The following SYCP3 variants were observed in gnomAD, a reference collection of about 807,000 sequenced individuals.
SYCP3 encodes synaptonemal complex protein 3.
Under a neutral mutation model 38.5 loss-of-function variants are expected in SYCP3, and 29 were observed. That is an observed-to-expected ratio of 0.75 (90% CI 0.56 to 1.03). The LOEUF is 1.03. Among genes scored for constraint, SYCP3 ranks in the 50% least tolerant of loss-of-function variants. SYCP3 has a pLI of 0.00. For missense variants in SYCP3, 242 were observed against 270.7 expected (o/e 0.89, Z 0.74); for synonymous variants, 79 against 80.3 (o/e 0.98, Z 0.08).
chr12:101,739,376 A>G lies in SYCP3; in HGVS notation c.-43T>C, dbSNP rs972482370. On this transcript the variant is annotated 5_prime_UTR_variant, in exon 1 of 9. Transcript: ENST00000392924. Reference sequence around the variant, plus strand: ...CTGAAACACACCGCAATGGCCGAGGACCAGTTACTGGTCGTCGACAGGCGT... The same window carrying G: ...CTGAAACACACCGCAATGGCCGAGGGCCAGTTACTGGTCGTCGACAGGCGT... The G allele has an allele frequency of 4.0e-6, 4 of 1,002,828 alleles. No individual in the cohort carries two copies. The highest frequency in any genetic ancestry group is 4.8e-6 in the Non-Finnish European group (4 of 830,380). 62.1% of individuals were successfully genotyped at this position (1,002,828 alleles called of 1,614,324 possible).
At chr12:101,735,861 A>AT (rs1299572800) in intron 4 of SYCP3, among the ~76,000 whole-genome samples, 1 of 73,192 alleles carries the variant, frequency 1.4e-5, no homozygotes, top group African/African-American at 5.9e-5. Flanking sequence ...TTATATATAT[A>AT]TATATATATA....
At chr12:101,733,761 A>G (rs1023590889) in intron 5 of SYCP3, 87 bp from the exon 6 acceptor site, 1 of 1,240,882 alleles carries the variant, frequency 8.1e-7, no homozygotes, top group Non-Finnish European at 1.1e-6. Context: ...CAGTTATACT[A>G]TATAAGAAAA....
intron 2 of SYCP3, chr12:101,737,541 T>C: frequency 3.1e-6 from 2 of 645,854 alleles, no homozygotes; most frequent in Non-Finnish European, 5.3e-6. Context: ...AGCCACATAC[T>C]ATATATCAGA....
intron 6 of SYCP3, chr12:101,733,296 C>G (rs980461543): frequency 7.7e-6 from 3 of 390,100 alleles, no homozygotes; most frequent in African/African-American, 6.1e-5. Flanking sequence ...ATGCCTGAAG[C>G]TAAACTGCCC....
At chr12:101,738,067 A>G in intron 1 of SYCP3, 115 bp from the exon 2 acceptor site, 1 of 1,246,328 alleles carries the variant, frequency 8.0e-7, no homozygotes, top group Non-Finnish European at 1.1e-6. Context: ...TACAATTTTA[A>G]CAGTTTCCTC....
At chr12:101,733,455 A>C in intron 6 of SYCP3, 120 bp downstream of exon 6, 1 of 886,970 alleles carries the variant, frequency 1.1e-6, no homozygotes, top group Non-Finnish European at 1.8e-6. Context: ...AGTAGGTTTA[A>C]AACACATGGC....
At chr12:101,729,472 G>A in intron 7 of SYCP3, 1 of 347,766 alleles carries the variant, frequency 2.9e-6, no homozygotes, top group Non-Finnish European at 5.2e-6. Context: ...TTAAGGTCAA[G>A]ATAAAAAAGA....
rs77391657 is a variant in SYCP3 at position 101,736,303 on chromosome 12, T to G, written c.235+734A>C. 7.0e-3 allele frequency among the ~76,000 whole-genome samples: 1,066 copies of G among 152,268 alleles called. 12 individuals carry two copies. Among genetic ancestry groups the G allele is most frequent in the African/African-American group, 0.024 (995 of 41,574 alleles). ...CAGTAATCATGCTGTAGCTGCACTATTACATAAATATTTTATACTTTCAGT... is the reference window on the plus strand; with the variant it reads ...CAGTAATCATGCTGTAGCTGCACTAGTACATAAATATTTTATACTTTCAGT... On this transcript the variant is annotated intron_variant, in intron 4 of 8. Coordinates refer to ENST00000392924, the MANE Select transcript of SYCP3 (RefSeq NM_001177949.2).
rs774427595 is a variant in SYCP3, at chr12:101,737,226, C to G, written c.200+6G>C. 6.2e-7 allele frequency: 1 copy of G among 1,612,692 alleles called. No homozygotes were observed. The highest frequency in any genetic ancestry group is 1.7e-5 in the Admixed American group (1 of 59,950). ...TAAGAAACAAAAATTATTTTGAACA[C>G]GTTACCCCATATCTTCAACTACTCC... On this transcript the variant is annotated splice_donor_region_variant and intron_variant, in intron 3 of 8. Coordinates refer to ENST00000392924, the MANE Select transcript of SYCP3 (RefSeq NM_001177949.2).
chr12:101,733,426 C>CATA (rs1475327133), intron 6 of SYCP3, 149 bp downstream of exon 6: 12 of 682,938 alleles, frequency 1.8e-5, no homozygotes, highest in Non-Finnish European at 3.1e-5. Flanking sequence ...TGTGCCTATA[C>CATA]GTCTGTGGTT....
Position 101,737,214 on chromosome 12 carries a change from TTA to T in SYCP3, c.200+16_200+17del, listed in dbSNP as rs1377715108. On this transcript the variant is annotated intron_variant, in intron 3 of 8. Transcript: ENST00000392924. ...AAGTGCTTTATCTAAGAAACAAAAA[TTA>T]TTTTGAACACGTTACCCCATATCTT... is the stretch of plus-strand genomic sequence containing the variant. The T allele has an allele frequency of 6.2e-7, 1 of 1,612,812 alleles. No homozygotes were observed. Among genetic ancestry groups the T allele is most frequent in the Non-Finnish European group, 8.5e-7 (1 of 1,179,298 alleles).
Position 101,728,764 on chromosome 12 carries a change from A to G in SYCP3, c.*163T>C. 1.0e-6 allele frequency: 1 copy of G among 952,812 alleles called. No homozygotes were observed. The highest frequency in any genetic ancestry group is 1.6e-6 in the Non-Finnish European group (1 of 641,580). The allele number at this position is 952,812 out of a possible 1,614,324, so 59.0% of individuals were successfully genotyped here. On this transcript the variant is annotated 3_prime_UTR_variant, in exon 9 of 9. Transcript: ENST00000392924. Reference sequence around the variant, plus strand: ...AGGAATAGTTGCTAACTAACTCATAACTATTTAGATTTGACTTAACAGAAA... The same window carrying G: ...AGGAATAGTTGCTAACTAACTCATAGCTATTTAGATTTGACTTAACAGAAA...
chr12:101,730,491 ATTTT>A (rs201662453), intron 7 of SYCP3: 1,531 of 325,334 alleles, frequency 4.7e-3, no homozygotes, highest in Middle Eastern at 8.6e-3. Flanking sequence ...TGTGTGTATA[ATTTT>A]TTTTTTTTTT....
intron 4 of SYCP3, among the ~76,000 whole-genome samples, chr12:101,735,872 T>TATATATA (rs200896843): frequency 2.9e-5 from 2 of 69,554 alleles, no homozygotes; most frequent in Admixed American, 1.4e-4. Flanking sequence ...TATATATATA[T>TATATATA]TTTTTTTTTT....
intron 4 of SYCP3, among the ~76,000 whole-genome samples, chr12:101,736,442 C>CT (rs1283266776): frequency 2.0e-5 from 3 of 151,858 alleles, no homozygotes; most frequent in Non-Finnish European, 4.4e-5. Context: ...AATATTAACT[C>CT]TTTTTTAAGA....
In SYCP3 at chr12:101,738,007, A is replaced by G. The variant is rs1375453835; in HGVS notation, c.-17-55T>C. ...GAATGCAAAGACATCATTTTAATACACTGGTAAAAGTTTAAATATCAAAGG... is the reference window on the plus strand; with the variant it reads ...GAATGCAAAGACATCATTTTAATACGCTGGTAAAAGTTTAAATATCAAAGG... On this transcript the variant is annotated intron_variant, in intron 1 of 8. Transcript: ENST00000392924. 32 of 1,587,212 alleles carry G rather than the reference A, an allele frequency of 2.0e-5. No homozygotes were observed. In the Admixed American group the frequency reaches 3.9e-4, roughly 19 times the overall value.
At chr12:101,730,731 G>C (rs1343176748) in intron 7 of SYCP3, 5 of 197,226 alleles carry the variant, frequency 2.5e-5, no homozygotes, top group Non-Finnish European at 5.3e-5. Flanking sequence ...TTGAAACCCT[G>C]GGCTCGAGTG....
chr12:101,736,384 G>A (rs1952444703), intron 4 of SYCP3, among the ~76,000 whole-genome samples: 1 of 151,766 alleles, frequency 6.6e-6, no homozygotes, highest in Non-Finnish European at 1.5e-5. Context: ...ACAGAGCAAA[G>A]GTTTCAAAAA....
chr12:101,731,782 A>G (rs1952202333), intron 6 of SYCP3, 116 bp from the exon 7 acceptor site: 1 of 705,612 alleles, frequency 1.4e-6, no homozygotes, highest in African/African-American at 1.8e-5. Flanking sequence ...ATGCTTTTAA[A>G]ATTTTAACAA....
Sources: allele counts gnomAD v4.1 joint callset (sites outside exome capture counted in the v4.1 genomes callset), GRCh38; gene constraint gnomAD v4.1.1; transcripts MANE v1.5; gene names NCBI Gene and HGNC (gene_info 2026-07-23, HGNC 2026-07-21).